The following SETX variants were observed in gnomAD, a reference collection of about 807,000 sequenced individuals.
The protein encoded by SETX is senataxin.
SETX carries 90 observed loss-of-function variants against 227.2 expected under a neutral mutation model. The ratio of observed to expected loss-of-function variants is 0.40; its 90% CI spans 0.33 to 0.47. The LOEUF (loss-of-function observed/expected upper bound fraction) is 0.47. SETX is among the 20% of genes least tolerant of loss of function. The probability of loss-of-function intolerance (pLI) is 0.91; values close to 1 mark genes in which losing one functional copy is unlikely to be tolerated. For synonymous variants in SETX, 1,210 were observed against 1,113.2 expected, an observed-to-expected ratio of 1.09 and a Z score of -1.73; for missense variants, 3,052 against 3,181.5, an observed-to-expected ratio of 0.96 and a Z score of 0.98.
intron 21 of SETX, 143 bp from the exon 22 acceptor site, chr9:132,277,295 A>T: frequency 1.4e-6 from 1 of 723,734 alleles, no homozygotes; most frequent in Non-Finnish European, 2.4e-6. Flanking sequence ...CTAGACGTGT[A>T]TTAGTGAAAG....
chr9:132,285,047 T>G (rs527620276), intron 18 of SETX, among the ~76,000 whole-genome samples: 1 of 152,140 alleles, frequency 6.6e-6, no homozygotes, highest in South Asian at 2.1e-4. Context: ...CCCAGCTAAT[T>G]TTTTGTATTT....
chr9:132,315,839 T>G (rs1845932716), intron 10 of SETX, among the ~76,000 whole-genome samples: 1 of 152,164 alleles, frequency 6.6e-6, no homozygotes, highest in South Asian at 2.1e-4. Context: ...TTCTCCTTCG[T>G]CCCTGATTCC....
rs1354567220 is a variant in SETX at position 132,264,369 on chromosome 9, G to C, written c.7904C>G (p.Ala2635Gly). The stretch of plus-strand genomic sequence containing the variant: ...CTGCTCCCCTTCACTGAAAGCCCTG[G>C]CCTCTCTCCTGTGACAGAGCTCCTC... ...PEEELCHRRE[A>G]RAFSEGEQEK... The change falls in exon 26 of 26, where the codon GCC becomes GGC. Residue 2635 changes from alanine (A) to glycine (G), a missense_variant. Physicochemically the swap from Ala to Gly is moderately conservative, Grantham distance 60. Around this residue, in one of 10 missense-constraint regions of SETX, gnomAD observed 294 missense variants for 278.8 expected, o/e 1.05. Coordinates refer to ENST00000224140, the MANE Select transcript of SETX (RefSeq NM_015046.7). The C allele has an allele frequency of 6.2e-7, 1 of 1,614,084 alleles. No homozygotes were observed. The highest frequency in any genetic ancestry group is 1.7e-5 in the Admixed American group (1 of 60,014).
At chr9:132,348,396 C>T (rs749837295) in intron 3 of SETX, among the ~76,000 whole-genome samples, 7 of 149,658 alleles carry the variant, frequency 4.7e-5, no homozygotes, top group Non-Finnish European at 8.9e-5. Flanking sequence ...AAACAACCCA[C>T]TAACAAAAAC....
chr9:132,318,802 G>A (rs1165096849), intron 10 of SETX, among the ~76,000 whole-genome samples: 1 of 152,088 alleles, frequency 6.6e-6, no homozygotes, highest in Non-Finnish European at 1.5e-5. Context: ...GTAACATAAG[G>A]GTAGTACTCT....
Position 132,263,143 on chromosome 9 carries a change from A to C in SETX, c.*1096T>G, listed in dbSNP as rs539630657. The C allele has an allele frequency of 6.6e-6, 1 of 152,102 alleles. No homozygotes were observed. The highest frequency in any genetic ancestry group is 2.1e-4 in the South Asian group (1 of 4,812). 9.4% of individuals were successfully genotyped at this position (152,102 alleles called of 1,614,324 possible). On this transcript the variant is annotated 3_prime_UTR_variant, in exon 26 of 26. Coordinates refer to ENST00000224140, the MANE Select transcript of SETX (RefSeq NM_015046.7). ...TTCTGAAGATCACAGGAAGTCTACCACTCTCTTCCCAGTTCTGAACTCCTC... is the reference window on the plus strand; with the variant it reads ...TTCTGAAGATCACAGGAAGTCTACCCCTCTCTTCCCAGTTCTGAACTCCTC...
At chr9:132,311,689 A>G (rs1686800988) in intron 11 of SETX, 68 bp downstream of exon 11, 1 of 1,142,016 alleles carries the variant, frequency 8.8e-7, no homozygotes, top group Non-Finnish European at 1.3e-6. Context: ...AAATAATGCT[A>G]TCTCCTCTTA....
Position 132,264,873 on chromosome 9 carries a change from G to C in SETX, c.7400C>G (p.Pro2467Arg). The C allele has an allele frequency of 6.2e-7, 1 of 1,614,100 alleles. No homozygotes were observed. Among genetic ancestry groups the C allele is most frequent in the African/African-American group, 1.3e-5 (1 of 75,046 alleles). ...GTGAGTGAGACTTCTCTGCAGCACAGGCTTGAGTTTCAGAATCTTCACTGC... is the reference window on the plus strand; with the variant it reads ...GTGAGTGAGACTTCTCTGCAGCACACGCTTGAGTTTCAGAATCTTCACTGC... ...HDAVKILKLK[P>R]VLQRSLTHPP... Residue 2467 changes from proline (P) to arginine (R), a missense_variant, in exon 26 of 26, where the codon CCT becomes CGT. Transcript: ENST00000224140.
intron 18 of SETX, among the ~76,000 whole-genome samples, chr9:132,285,475 G>A (rs1843802666): frequency 6.6e-6 from 1 of 152,160 alleles, no homozygotes; most frequent in African/African-American, 2.4e-5. Flanking sequence ...GGCCAGGCAT[G>A]GTGGCTCACG....
At position 132,269,661 on chromosome 9, in the gene SETX, C is replaced by T. The variant is rs1554803222; in HGVS notation, c.7241G>A (p.Arg2414Gln). 1.2e-6 allele frequency: 2 copies of T among 1,614,148 alleles called. No homozygotes were observed. Among genetic ancestry groups the T allele is most frequent in the Non-Finnish European group, 1.7e-6 (2 of 1,180,000 alleles). ...SLQRLNVTIT[R>Q]AKYSLFILGH... ...GAGGATGAAGAGGCTGTACTTGGCTCGTGTGATGGTGACATTCAATCTCTG... is the reference window on the plus strand; with the variant it reads ...GAGGATGAAGAGGCTGTACTTGGCTTGTGTGATGGTGACATTCAATCTCTG... Residue 2414 changes from arginine to glutamine, a missense_variant, in exon 25 of 26, where the codon CGA (arginine) becomes CAA (glutamine). By Grantham distance (43) the Arg-to-Gln change is conservative. Coordinates refer to ENST00000224140, the MANE Select transcript of SETX (RefSeq NM_015046.7).
chr9:132,284,919 C>T (rs1843755073), intron 18 of SETX, among the ~76,000 whole-genome samples: 1 of 151,316 alleles, frequency 6.6e-6, no homozygotes, highest in Admixed American at 6.6e-5. Context: ...CGCTCTGTCA[C>T]CCAGGCTGGA....
chr9:132,341,246 T>A (rs879337336), intron 5 of SETX, among the ~76,000 whole-genome samples: 48 of 151,974 alleles, frequency 3.2e-4, no homozygotes, highest in Non-Finnish European at 5.0e-4. Context: ...ATAAAAAAAA[T>A]TTTTTTTAAT....
At chr9:132,331,776 C>G (rs139890131) in intron 7 of SETX, among the ~76,000 whole-genome samples, 173 of 152,234 alleles carry the variant, frequency 1.1e-3, no homozygotes, top group African/African-American at 4.0e-3. Flanking sequence ...CCAGAAACAA[C>G]CTTTTCTAAT....
chr9:132,350,481 T>C (rs773431607), intron 2 of SETX, among the ~76,000 whole-genome samples: 1 of 152,184 alleles, frequency 6.6e-6, no homozygotes, highest in African/African-American at 2.4e-5. Flanking sequence ...ACAGGAAATA[T>C]AAAACATCTC....
At chr9:132,320,084 TAAAA>T (rs537830278) in intron 10 of SETX, among the ~76,000 whole-genome samples, 2 of 150,784 alleles carry the variant, frequency 1.3e-5, no homozygotes. Flanking sequence ...ATACAAGGAT[TAAAA>T]AAAAAATTCT....
At chr9:132,299,549 T>G (rs1024751060) in intron 12 of SETX, among the ~76,000 whole-genome samples, 6 of 152,216 alleles carry the variant, frequency 3.9e-5, no homozygotes, top group African/African-American at 1.4e-4. Context: ...GTTGACACAC[T>G]TTATTGCTAT....
rs67558000 is a variant in SETX at position 132,278,437 on chromosome 9, C to CTTTTTT, written c.6655-186_6655-181dup. 7.5e-4 allele frequency among the ~76,000 whole-genome samples: 64 copies of CTTTTTT among 84,864 alleles called. 4 individuals are homozygous for CTTTTTT. The highest frequency in any genetic ancestry group is 1.8e-3 in the South Asian group (4 of 2,178). The allele number at this position is 84,864 out of a possible 152,430, so 55.7% of individuals were successfully genotyped here. On this transcript the variant is annotated intron_variant, in intron 20 of 25. Transcript: ENST00000224140. ...CTCTGAGCCTCAAAATGCCATGAAT[C>CTTTTTT]TTTTTTTTTTTTTTTTTTTTTTTTT... is the stretch of plus-strand genomic sequence containing the variant.
chr9:132,263,897 A>G lies in SETX; in HGVS notation c.*342T>C, dbSNP rs1842501802. The G allele has an allele frequency of 1.1e-5, 3 of 261,696 alleles. No homozygotes were observed. The Admixed American group carries it at 1.5e-4, about 13-fold the overall frequency. The allele number at this position is 261,696 out of a possible 1,614,324, so 16.2% of individuals were successfully genotyped here. A position where few individuals can be genotyped will look rare whatever the true frequency, so the allele number is the denominator to read the frequency against. On this transcript the variant is annotated 3_prime_UTR_variant, in exon 26 of 26. Coordinates refer to ENST00000224140, the MANE Select transcript of SETX (RefSeq NM_015046.7). ...AAAGAAAAGCGGTCTACTAGATTAA[A>G]TTTTAAAAGGATTTTGTTATTTGCT...
intron 10 of SETX, among the ~76,000 whole-genome samples, chr9:132,325,904 G>C (rs1846711624): frequency 7.0e-6 from 1 of 143,632 alleles, no homozygotes. Context: ...TTGCACTCCA[G>C]CCTGGGCAGC....
Sources: allele counts gnomAD v4.1 joint callset (sites outside exome capture counted in the v4.1 genomes callset), GRCh38; gene constraint gnomAD v4.1.1; regional missense constraint gnomAD v4.1.1; transcripts MANE v1.5; gene names NCBI Gene and HGNC (gene_info 2026-07-23, HGNC 2026-07-21).